SEH1L: variants seen among roughly 807,000 people sequenced by gnomAD.
SEH1L encodes the protein nucleoporin SEH1.
In SEH1L, 18 loss-of-function variants were observed where a neutral mutation model predicts 49.5. The observed-to-expected ratio is 0.36, with a 90% CI of 0.25 to 0.54. The LOEUF (loss-of-function observed/expected upper bound fraction) is 0.54, where lower values mean the gene tolerates loss of function less well. SEH1L is among the 20% of genes least tolerant of loss of function. SEH1L has a pLI of 0.87. For synonymous variants in SEH1L, 169 were observed against 178.1 expected (o/e 0.95, Z 0.41); for missense variants, 404 against 528.8 (o/e 0.76, Z 2.31).
chr18:12,951,692 C>G (rs2030540065), intron 1 of SEH1L, among the ~76,000 whole-genome samples, 163 bp from the exon 2 acceptor site: 1 of 152,178 alleles, frequency 6.6e-6, no homozygotes, highest in African/African-American at 2.4e-5. Context: ...CACCCAGCCT[C>G]TCAATAAATA....
intron 5 of SEH1L, chr18:12,974,297 T>A (rs2031823961): frequency 6.6e-6 from 1 of 152,150 alleles, no homozygotes; most frequent in Admixed American, 6.6e-5. Context: ...TTTTTTTTCT[T>A]TGAGATGGAG....
At chr18:12,966,316 T>C (rs1482018799) in intron 4 of SEH1L, among the ~76,000 whole-genome samples, 1 of 152,184 alleles carries the variant, frequency 6.6e-6, no homozygotes, top group Admixed American at 6.5e-5. Context: ...GGTCTCGAAC[T>C]CCTGAGCTCA....
At chr18:12,985,262 A>G in intron 8 of SEH1L, 1 of 1,608,714 alleles carries the variant, frequency 6.2e-7, no homozygotes, top group Non-Finnish European at 8.5e-7. Flanking sequence ...AGTACAAGCT[A>G]ACTGGAGTAA....
chr18:12,958,758 C>T (rs558451877), intron 3 of SEH1L, among the ~76,000 whole-genome samples: 1 of 152,200 alleles, frequency 6.6e-6, no homozygotes. Flanking sequence ...TGTAGATGGA[C>T]CCTTGGGTTG....
intron 6 of SEH1L, among the ~76,000 whole-genome samples, chr18:12,981,850 A>ATTTTTTTTTTTTTTTTTTTTTTT (rs554886753): frequency 2.3e-5 from 2 of 88,192 alleles, no homozygotes; most frequent in African/African-American, 1.1e-4. Context: ...TGCCCTGCCC[A>ATTTTTTTTTTTTTTTTTTTTTTT]TTTTTTTTTT....
rs1168531375 is a variant in SEH1L, at chr18:12,986,920, C to T, written c.1129C>T (p.Gln377Ter). ...RAGSRWSSYA[Q>*]LLPPPPPPLV... ...TGGATCGAGATGGTCCAGTTATGCCCAGCTCCTTCCTCCTCCTCCTCCTCC... is the reference window on the plus strand; with the variant it reads ...TGGATCGAGATGGTCCAGTTATGCCTAGCTCCTTCCTCCTCCTCCTCCTCC... The change falls in exon 9 of 9, where the codon CAG (glutamine) becomes TAG (stop). Residue 377 changes from glutamine (Q) to a stop codon, truncating the protein, a stop_gained. Transcript: ENST00000399892. LOFTEE classifies it high-confidence loss of function. 1.2e-6 allele frequency: 2 copies of T among 1,613,316 alleles called. No homozygotes were observed. The highest frequency in any genetic ancestry group is 2.2e-5 in the East Asian group (1 of 44,854).
chr18:12,948,439 C>T, intron 1 of SEH1L: 1 of 446,950 alleles, frequency 2.2e-6, no homozygotes, highest in Non-Finnish European at 4.0e-6. Flanking sequence ...CTCCCGTGCG[C>T]CTGCGCAGCT....
chr18:12,972,516 G>T (rs2031745320), intron 5 of SEH1L: 1 of 152,226 alleles, frequency 6.6e-6, no homozygotes, highest in Non-Finnish European at 1.5e-5. Flanking sequence ...CTTGTCAGGT[G>T]ATCAGATGGG....
rs1568216093 is a variant in SEH1L at position 12,963,147 on chromosome 18, A to T, written c.310-13A>T. ...TTTGTATATAATTTAAATTGTTATTATTTTTTTTTTAGGTTAAAAGGACAA... is the reference window on the plus strand; with the variant it reads ...TTTGTATATAATTTAAATTGTTATTTTTTTTTTTTTAGGTTAAAAGGACAA... On this transcript the variant is annotated splice_polypyrimidine_tract_variant and intron_variant, in intron 3 of 8. Transcript: ENST00000399892. The T allele has an allele frequency of 6.9e-6, 10 of 1,455,182 alleles. No homozygotes were observed. In the East Asian group the frequency reaches 1.7e-4, roughly 25 times the overall value. The allele number at this position is 1,455,182 out of a possible 1,614,324, so 90.1% of individuals were successfully genotyped here.
chr18:12,950,867 T>C (rs1199067368), intron 1 of SEH1L, among the ~76,000 whole-genome samples: 3 of 152,202 alleles, frequency 2.0e-5, no homozygotes, highest in Admixed American at 6.5e-5. Context: ...TTGCCCAGGC[T>C]GGAGTGCAGT....
chr18:12,984,306 C>T (rs180964922), intron 8 of SEH1L, 116 bp downstream of exon 8: 2 of 1,069,226 alleles, frequency 1.9e-6, no homozygotes, highest in African/African-American at 3.2e-5. Context: ...TTCACATGTG[C>T]TTGTATTAGC....
chr18:12,967,094 T>TA (rs2031484282), intron 4 of SEH1L, among the ~76,000 whole-genome samples: 1 of 152,242 alleles, frequency 6.6e-6, no homozygotes, highest in Non-Finnish European at 1.5e-5. Context: ...TTTGCTGAAT[T>TA]ACAGTCAATT....
At chr18:12,963,512 G>C (rs573340438) in intron 4 of SEH1L, 141 bp downstream of exon 4, 83 of 630,876 alleles carry the variant, frequency 1.3e-4, no homozygotes, top group Middle Eastern at 1.3e-3. Flanking sequence ...TTTCACCCAG[G>C]CATGTCATTT....
chr18:12,957,661 A>T (rs2030952581), intron 3 of SEH1L, among the ~76,000 whole-genome samples: 2 of 152,210 alleles, frequency 1.3e-5, no homozygotes, highest in Admixed American at 1.3e-4. Context: ...TGTTTTTTGT[A>T]ATAGATAATC....
chr18:12,975,836 A>G, intron 5 of SEH1L: 1 of 985,706 alleles, frequency 1.0e-6, no homozygotes, highest in Non-Finnish European at 1.2e-6. Flanking sequence ...GCGTGGGATG[A>G]AGAGGGACCG....
At chr18:12,954,606 G>C (rs557130819) in intron 2 of SEH1L, among the ~76,000 whole-genome samples, 1 of 151,952 alleles carries the variant, frequency 6.6e-6, no homozygotes, top group African/African-American at 2.4e-5. Context: ...AGCTGGGACC[G>C]TAAGTGCATA....
intron 3 of SEH1L, among the ~76,000 whole-genome samples, chr18:12,957,840 A>T (rs2030966033): frequency 6.6e-6 from 1 of 151,978 alleles, no homozygotes; most frequent in South Asian, 2.1e-4. Context: ...CCTTAGCCCC[A>T]CAAGTAGCTG....
chr18:12,963,061 T>C (rs2145625791), intron 3 of SEH1L, 99 bp from the exon 4 acceptor site: 2 of 805,010 alleles, frequency 2.5e-6, no homozygotes, highest in Non-Finnish European at 3.9e-6. Flanking sequence ...TAGTGAATGA[T>C]AGAGGAGTTT....
intron 2 of SEH1L, among the ~76,000 whole-genome samples, chr18:12,952,394 G>A (rs765753458): frequency 1.9e-4 from 29 of 151,956 alleles, no homozygotes; most frequent in South Asian, 4.2e-4. Context: ...CACGATGCCC[G>A]GCTAATTTTT....
Sources: allele counts gnomAD v4.1 joint callset (sites outside exome capture counted in the v4.1 genomes callset), GRCh38; gene constraint gnomAD v4.1.1; transcripts MANE v1.5; gene names NCBI Gene and HGNC (gene_info 2026-07-23, HGNC 2026-07-21).